PRKCB: variants seen among roughly 807,000 people sequenced by gnomAD.
PRKCB encodes the protein protein kinase C beta type.
A neutral mutation model predicts 81.5 loss-of-function variants in PRKCB; 13 were observed. The observed-to-expected ratio is 0.16, with a 90% CI of 0.10 to 0.25. The LOEUF (loss-of-function observed/expected upper bound fraction) is 0.25, where lower values mean the gene tolerates loss of function less well. PRKCB is among the 10% of genes least tolerant of loss of function. PRKCB has a pLI of 1.00. For synonymous variants in PRKCB, 335 were observed against 321.4 expected, an observed-to-expected ratio of 1.04 and a Z score of -0.45; for missense variants, 509 against 875.7, an observed-to-expected ratio of 0.58 and a Z score of 5.29.
chr16:24,034,362 T>G (rs931992508), intron 4 of PRKCB, among the ~76,000 whole-genome samples: 1 of 152,192 alleles, frequency 6.6e-6, no homozygotes, highest in Non-Finnish European at 1.5e-5. Flanking sequence ...ATGGGGTGAC[T>G]TGGCCTCTCC....
intron 3 of PRKCB, among the ~76,000 whole-genome samples, chr16:24,008,551 T>G (rs562612060): frequency 6.6e-6 from 1 of 152,314 alleles, no homozygotes; most frequent in East Asian, 1.9e-4. Flanking sequence ...AGTGAATTTT[T>G]CTTTGTAAGC....
At chr16:24,214,253 C>T (rs1355097852) in intron 16 of PRKCB, among the ~76,000 whole-genome samples, 3 of 152,160 alleles carry the variant, frequency 2.0e-5, no homozygotes, top group African/African-American at 7.2e-5. Context: ...CACTACTTTG[C>T]ATCTTGCACC....
chr16:23,986,859 ATCTGTAATCC>A (rs1964810255), intron 2 of PRKCB, among the ~76,000 whole-genome samples: 1 of 152,130 alleles, frequency 6.6e-6, no homozygotes, highest in Non-Finnish European at 1.5e-5. Flanking sequence ...TTTCTTTTTC[ATCTGTAATCC>A]TCCCCTTTCT....
rs568306326 is a variant in PRKCB at position 24,113,024 on chromosome 16, A to G, written c.873A>G (p.Pro291=). The G allele has an allele frequency of 6.8e-4, 1,104 of 1,613,548 alleles. 14 individuals are homozygous for G. The South Asian group carries it at 0.011, about 17-fold the overall frequency. The change falls in exon 8 of 17, where the codon CCA becomes CCG. Residue 291 remains proline (P), a synonymous_variant. Transcript: ENST00000643927. The part of the protein sequence containing the change: ...EEGEYFNVPV[P]PEGSEANEEL... ...GCGAGTACTTCAATGTGCCTGTGCC[A>G]CCAGAAGGAAGTGAGGCCAATGAAG... is the stretch of plus-strand genomic sequence containing the variant.
chr16:23,914,143 G>C (rs528398284), intron 2 of PRKCB, among the ~76,000 whole-genome samples: 3 of 152,262 alleles, frequency 2.0e-5, no homozygotes, highest in Non-Finnish European at 4.4e-5. Context: ...AAGTAGCTGA[G>C]ACTACAGGCA....
intron 3 of PRKCB, among the ~76,000 whole-genome samples, chr16:24,024,880 A>G (rs748690604): frequency 6.6e-6 from 1 of 152,194 alleles, no homozygotes; most frequent in Non-Finnish European, 1.5e-5. Context: ...GGAGGGAGTC[A>G]TGAGGACCAC....
chr16:24,152,059 G>A (rs1015989131), intron 9 of PRKCB, among the ~76,000 whole-genome samples: 23 of 152,270 alleles, frequency 1.5e-4, no homozygotes, highest in African/African-American at 5.3e-4. Context: ...ATTGTTGGAT[G>A]GTGCCTTGAC....
intron 2 of PRKCB, among the ~76,000 whole-genome samples, chr16:23,941,132 C>T (rs1053936265): frequency 1.3e-5 from 2 of 152,154 alleles, no homozygotes; most frequent in Non-Finnish European, 2.9e-5. Flanking sequence ...TATGGGGCAT[C>T]TGAGCAACTA....
intron 2 of PRKCB, among the ~76,000 whole-genome samples, chr16:23,860,761 A>T (rs1197815414): frequency 6.6e-6 from 1 of 151,408 alleles, no homozygotes; most frequent in Non-Finnish European, 1.5e-5. Flanking sequence ...AAACAAAAAA[A>T]CCGGGCATGG....
chr16:24,105,885 A>C (rs1966570794), intron 7 of PRKCB, among the ~76,000 whole-genome samples: 1 of 152,164 alleles, frequency 6.6e-6, no homozygotes. Flanking sequence ...TCTGAATCTG[A>C]AGATCTTTTT....
intron 3 of PRKCB, among the ~76,000 whole-genome samples, chr16:23,988,891 G>A (rs1365701643): frequency 6.6e-6 from 1 of 152,194 alleles, no homozygotes; most frequent in African/African-American, 2.4e-5. Context: ...CAAAAAGGTA[G>A]TTTCGGTGGT....
At chr16:23,939,982 A>G (rs1288161302) in intron 2 of PRKCB, among the ~76,000 whole-genome samples, 5 of 152,210 alleles carry the variant, frequency 3.3e-5, no homozygotes, top group Non-Finnish European at 7.3e-5. Context: ...GGATACATAA[A>G]GAGCCCTCAA....
At chr16:23,974,288 G>A (rs1330693669) in intron 2 of PRKCB, among the ~76,000 whole-genome samples, 4 of 152,318 alleles carry the variant, frequency 2.6e-5, no homozygotes, top group Admixed American at 2.6e-4. Context: ...GGTGGACAGA[G>A]AGGTGTGGGG....
rs140777968 is a variant in PRKCB, at chr16:24,079,524, A to G, written c.530-13267A>G. Among the ~76,000 whole-genome samples, 17 of 152,318 alleles carry G rather than the reference A, an allele frequency of 1.1e-4. No homozygotes were observed. The East Asian group carries it at 2.7e-3, about 24-fold the overall frequency. On this transcript the variant is annotated intron_variant, in intron 5 of 16. Transcript: ENST00000643927. Reference sequence around the variant, plus strand: ...GTAATTAATGCTCAACTGAGACCATATATTGAATGTCTCCTTCTTCCAAAT... The same window carrying G: ...GTAATTAATGCTCAACTGAGACCATGTATTGAATGTCTCCTTCTTCCAAAT...
intron 7 of PRKCB, among the ~76,000 whole-genome samples, chr16:24,111,902 T>C (rs114181056): frequency 0.014 from 2,087 of 152,310 alleles, 50 homozygotes; most frequent in African/African-American, 0.047. Context: ...TTTACATGCG[T>C]CATTACATTT....
intron 7 of PRKCB, among the ~76,000 whole-genome samples, chr16:24,106,629 GT>G (rs957764583): frequency 4.4e-4 from 67 of 152,164 alleles, no homozygotes; most frequent in African/African-American, 1.5e-3. Flanking sequence ...TTATTAAAGG[GT>G]TTGCCAAAAT....
At chr16:23,941,553 T>C (rs981070256) in intron 2 of PRKCB, among the ~76,000 whole-genome samples, 2 of 152,198 alleles carry the variant, frequency 1.3e-5, no homozygotes, top group African/African-American at 4.8e-5. Flanking sequence ...AAAAGAACAA[T>C]GCATCATGAT....
At chr16:24,091,944 A>G (rs573351659) in intron 5 of PRKCB, among the ~76,000 whole-genome samples, 1 of 152,292 alleles carries the variant, frequency 6.6e-6, no homozygotes, top group South Asian at 2.1e-4. Context: ...TACATGGATA[A>G]TAGGTGTACC....
intron 16 of PRKCB, among the ~76,000 whole-genome samples, chr16:24,209,986 C>T (rs1256804011): frequency 6.6e-6 from 1 of 151,918 alleles, no homozygotes. Context: ...CGTGGTGGTG[C>T]ACACCTGTAG....
Sources: gnomAD v4.1 joint callset for allele counts (sites outside exome capture counted in the v4.1 genomes callset) on GRCh38, gnomAD v4.1.1 for gene constraint, MANE v1.5 for transcripts, NCBI Gene and HGNC (gene_info 2026-07-23, HGNC 2026-07-21) for gene names.